Variants in TEAD3 observed in about 807,000 individuals in gnomAD.
The protein encoded by TEAD3 is TEA domain transcription factor 3, also known as transcriptional enhancer factor TEF-5.
TEAD3 carries 15 observed loss-of-function variants against 55.6 expected under a neutral mutation model. The ratio of observed to expected loss-of-function variants is 0.27; its 90% CI spans 0.18 to 0.42. The LOEUF (loss-of-function observed/expected upper bound fraction) is 0.42. Among genes scored for constraint, TEAD3 ranks in the 10% least tolerant of loss-of-function variants. The pLI is 1.00. For missense variants in TEAD3, 407 were observed against 576.8 expected (o/e 0.71, Z 3.01); for synonymous variants, 210 against 232.2 (o/e 0.90, Z 0.87).
At position 35,475,612 on chromosome 6, in the gene TEAD3, G is replaced by A; in HGVS notation, c.995C>T (p.Ser332Phe). The A allele has an allele frequency of 6.2e-7, 1 of 1,613,552 alleles. No homozygotes were observed. The highest frequency in any genetic ancestry group is 8.5e-7 in the Non-Finnish European group (1 of 1,179,604). Residue 332 changes from serine (S) to phenylalanine (F), a missense_variant, in exon 11 of 13, where the codon TCC (serine) becomes TTC (phenylalanine). By Grantham distance (155) the Ser-to-Phe change is radical. Transcript: ENST00000639578. This position sits in a 1 kb window ranked among gnomAD's most constrained non-coding sequence, Gnocchi z 5.4. ...TTTGCCAAAGGAGCACACCTTGGTGGAGACGCTGATGGTCATGCTATCAGC... is the reference window on the plus strand; with the variant it reads ...TTTGCCAAAGGAGCACACCTTGGTGAAGACGCTGATGGTCATGCTATCAGC...
chr6:35,488,375 C>T lies in TEAD3; in HGVS notation c.-49-1664G>A, dbSNP rs995048019. Among the ~76,000 whole-genome samples, 16 of 152,136 alleles carry T rather than the reference C, an allele frequency of 1.1e-4. No homozygotes were observed. The highest frequency in any genetic ancestry group is 3.1e-4 in the African/African-American group (13 of 41,436). On this transcript the variant is annotated intron_variant, in intron 1 of 12. Coordinates refer to ENST00000639578, the Ensembl canonical transcript of TEAD3. This position sits in a 1 kb window ranked among gnomAD's most constrained non-coding sequence, Gnocchi z 4.2. The stretch of plus-strand genomic sequence containing the variant: ...GACCACACCCCACCAGGCCCCCTAT[C>T]ACTCACAACCCCAAGACTCACCCCA...
At chr6:35,480,900 G>A (rs1581724197) in intron 3 of TEAD3, among the ~76,000 whole-genome samples, 1 of 152,124 alleles carries the variant, frequency 6.6e-6, no homozygotes, top group Admixed American at 6.5e-5. Context: ...TGGCACCACA[G>A]GTGCTAGCAA....
downstream of TEAD3, chr6:35,473,624 C>A (rs1654326295): frequency 7.2e-6 from 1 of 139,568 alleles, no homozygotes; most frequent in South Asian, 2.3e-4. Flanking sequence ...AAACAAATAA[C>A]TTTAATTTTT....
At chr6:35,490,559 C>G (rs554362462) in intron 1 of TEAD3, among the ~76,000 whole-genome samples, 1 of 152,308 alleles carries the variant, frequency 6.6e-6, no homozygotes, top group East Asian at 1.9e-4. Context: ...AGGACAACCA[C>G]GTGAGAATGT....
At chr6:35,482,682 C>T (rs560778224) in intron 3 of TEAD3, among the ~76,000 whole-genome samples, 2 of 152,094 alleles carry the variant, frequency 1.3e-5, no homozygotes, top group Non-Finnish European at 2.9e-5. Context: ...GAGGCTGAGG[C>T]GGGAGGACTG....
In TEAD3 at chr6:35,486,692, A is replaced by G. The variant is rs1188599680; in HGVS notation, c.-30T>C. The G allele has an allele frequency of 1.2e-6, 2 of 1,604,566 alleles. No individual in the cohort carries two copies. The highest frequency in any genetic ancestry group is 3.3e-5 in the Admixed American group (2 of 59,856). On this transcript the variant is annotated 5_prime_UTR_variant, in exon 2 of 13. Transcript: ENST00000639578. This position sits in a 1 kb window ranked among gnomAD's most constrained non-coding sequence, Gnocchi z 7.3. ...CTGGTTGCTCTGGGCTCTGGGCCTG[A>G]GCCCACTGGGCGGCTGAGCCTGGGG... is the stretch of plus-strand genomic sequence containing the variant.
chr6:35,493,805 G>A (rs146158825), intron 1 of TEAD3, among the ~76,000 whole-genome samples: 69 of 152,330 alleles, frequency 4.5e-4, no homozygotes, highest in African/African-American at 1.3e-3. Flanking sequence ...AGCATCGTGC[G>A]AGTGCGGTGT....
rs1024893411 is a variant in TEAD3, at chr6:35,486,576, G to A, written c.87C>T (p.Asn29=). ...CCGGGCTCCACACGCCCTCCGCATC[G>A]TTGTCCAGCCCCTTGTCCAGGCCCT... The change falls in exon 2 of 13, where the codon AAC becomes AAT. Residue 29 remains asparagine (N), a synonymous_variant. Coordinates refer to ENST00000639578, the Ensembl canonical transcript of TEAD3. This position sits in a 1 kb window ranked among gnomAD's most constrained non-coding sequence, Gnocchi z 7.3. 6.2e-7 allele frequency: 1 copy of A among 1,613,574 alleles called. No homozygotes were observed. Among genetic ancestry groups the A allele is most frequent in the South Asian group, 1.1e-5 (1 of 91,080 alleles).
rs969602742 is a variant in TEAD3, at chr6:35,483,094, C to G, written c.267+1466G>C. On this transcript the variant is annotated intron_variant, in intron 3 of 12. Transcript: ENST00000639578. This position sits in a 1 kb window ranked among gnomAD's most constrained non-coding sequence, Gnocchi z 4.5. ...CTCCAGGGGACAGGGCTCTGGCGCA[C>G]GCCTCCATGTGGTATCCCTGGTGCC... 2.0e-5 allele frequency among the ~76,000 whole-genome samples: 3 copies of G among 152,196 alleles called. No homozygotes were observed. Among genetic ancestry groups the G allele is most frequent in the African/African-American group, 7.2e-5 (3 of 41,454 alleles).
intron 5 of TEAD3, among the ~76,000 whole-genome samples, chr6:35,478,877 C>CTTTTTTTTTTTTT (rs67071124): frequency 9.4e-6 from 1 of 106,756 alleles, no homozygotes. Flanking sequence ...CTCCTATTTT[C>CTTTTTTTTTTTTT]TTTTTTTTTT....
At chr6:35,476,617 T>C (rs1768154494) in intron 8 of TEAD3, among the ~76,000 whole-genome samples, 182 bp from the exon 9 acceptor site, 1 of 152,216 alleles carries the variant, frequency 6.6e-6, no homozygotes, top group Non-Finnish European at 1.5e-5. Flanking sequence ...CCTAGTAGTA[T>C]ATATCAAAAA....
At position 35,486,821 on chromosome 6, in the gene TEAD3, T is replaced by A; in HGVS notation, c.-49-110A>T. The A allele has an allele frequency of 1.4e-6, 1 of 707,560 alleles. No individual in the cohort carries two copies. The highest frequency in any genetic ancestry group is 2.3e-6 in the Non-Finnish European group (1 of 434,632). The allele number at this position is 707,560 out of a possible 1,614,324, so 43.8% of individuals were successfully genotyped here. A position where few individuals can be genotyped will look rare whatever the true frequency, so the allele number is the denominator to read the frequency against. ...TCCGCCCCCAGCCCCAAGCCCACCCTAGGAGCAGGTGCTCCAGGTGGAACG... is the reference window on the plus strand; with the variant it reads ...TCCGCCCCCAGCCCCAAGCCCACCCAAGGAGCAGGTGCTCCAGGTGGAACG... On this transcript the variant is annotated intron_variant, in intron 1 of 12. Coordinates refer to ENST00000639578, the Ensembl canonical transcript of TEAD3. This position sits in a 1 kb window ranked among gnomAD's most constrained non-coding sequence, Gnocchi z 7.3.
chr6:35,478,164 C>G (rs976284545), intron 7 of TEAD3, 111 bp downstream of exon 7: 163 of 1,364,398 alleles, frequency 1.2e-4, no homozygotes, highest in Middle Eastern at 2.5e-4. Context: ...CTGCATCCCT[C>G]TATTTTTGAA....
chr6:35,479,380 G>C, intron 4 of TEAD3, 64 bp from the exon 5 acceptor site: 1 of 1,603,186 alleles, frequency 6.2e-7, no homozygotes, highest in Non-Finnish European at 8.5e-7. Context: ...TGGGCTGAGG[G>C]ACGTCTTTGC....
chr6:35,477,997 C>T (rs762570418), intron 7 of TEAD3, among the ~76,000 whole-genome samples: 6 of 151,042 alleles, frequency 4.0e-5, no homozygotes, highest in South Asian at 2.1e-4. Context: ...ACTACAGGCA[C>T]GCACCACCAC....
In TEAD3 at chr6:35,474,984, C is replaced by A. The variant is rs1768111498; in HGVS notation, c.*60G>T. The A allele has an allele frequency of 3.6e-6, 5 of 1,389,454 alleles. No homozygotes were observed. The South Asian group carries it at 7.2e-5, about 20-fold the overall frequency. 86.1% of individuals were successfully genotyped at this position (1,389,454 alleles called of 1,614,324 possible). A position where few individuals can be genotyped will look rare whatever the true frequency, so the allele number is the denominator to read the frequency against. ...TCAATCCTGGACCCCCCCAGGGGTG[C>A]CAGGCAGGTGTGGAGAGGAGATGCT... On this transcript the variant is annotated 3_prime_UTR_variant, in exon 13 of 13. Transcript: ENST00000639578.
At chr6:35,489,754 AAAT>A (rs2150916772) in intron 1 of TEAD3, among the ~76,000 whole-genome samples, 1 of 152,196 alleles carries the variant, frequency 6.6e-6, no homozygotes, top group Non-Finnish European at 1.5e-5. Context: ...ATAAATAAAT[AAAT>A]AAGGAAATGT....
Position 35,475,691 on chromosome 6 carries a change from T to C in TEAD3, c.916A>G (p.Thr306Ala), listed in dbSNP as rs1300776099. Residue 306 changes from threonine (T) to alanine (A), a missense_variant, in exon 11 of 13, where the codon ACC becomes GCC. Coordinates refer to ENST00000639578, the Ensembl canonical transcript of TEAD3. The surrounding 1 kb of genome is among the most constrained non-coding windows in gnomAD (Gnocchi z 5.4). ...AAGGCTCCCGGGCCCTCCTGGATGGTGCTGTTGAGGTCGGCCTGGGCATGG... is the reference window on the plus strand; with the variant it reads ...AAGGCTCCCGGGCCCTCCTGGATGGCGCTGTTGAGGTCGGCCTGGGCATGG... 2 of 1,603,182 alleles carry C rather than the reference T, an allele frequency of 1.2e-6. No homozygotes were observed. Among genetic ancestry groups the C allele is most frequent in the South Asian group, 2.2e-5 (2 of 89,974 alleles).
chr6:35,492,257 G>A (rs998512064), intron 1 of TEAD3, among the ~76,000 whole-genome samples: 146 of 152,214 alleles, frequency 9.6e-4, no homozygotes, highest in African/African-American at 3.0e-3. Flanking sequence ...CTGACCAGCC[G>A]GGGGGGTCGA....
Sources: allele counts gnomAD v4.1 joint callset (sites outside exome capture counted in the v4.1 genomes callset), GRCh38; gene constraint gnomAD v4.1.1; non-coding constraint Gnocchi (gnomAD v3.1); transcripts MANE v1.5; gene names NCBI Gene and HGNC (gene_info 2026-07-23, HGNC 2026-07-21).